Variants in FNDC3B observed in about 807,000 individuals in gnomAD.
FNDC3B encodes the protein fibronectin type III domain containing 3B.
A neutral mutation model predicts 151.5 loss-of-function variants in FNDC3B; 12 were observed. The ratio of observed to expected loss-of-function variants is 0.08; its 90% CI spans 0.05 to 0.13. The LOEUF is 0.13. Among genes scored for constraint, FNDC3B ranks in the 10% least tolerant of loss-of-function variants. The pLI is 1.00. For synonymous variants in FNDC3B, 528 were observed against 549.0 expected, an observed-to-expected ratio of 0.96 and a Z score of 0.54; for missense variants, 1,214 against 1,505.3, an observed-to-expected ratio of 0.81 and a Z score of 3.20.
intron 3 of FNDC3B, among the ~76,000 whole-genome samples, chr3:172,157,475 A>C (rs1320083476): frequency 6.6e-6 from 1 of 152,226 alleles, no homozygotes; most frequent in African/African-American, 2.4e-5. Flanking sequence ...GATTTGTAAT[A>C]ATCACTACCA....
chr3:172,070,537 C>T (rs537268887), intron 1 of FNDC3B, among the ~76,000 whole-genome samples: 3 of 152,224 alleles, frequency 2.0e-5, no homozygotes, highest in East Asian at 1.9e-4. Flanking sequence ...TAGTGGCTGA[C>T]GAGGGGAGAA....
intron 22 of FNDC3B, among the ~76,000 whole-genome samples, chr3:172,357,505 A>G (rs1325055503): frequency 6.6e-6 from 1 of 152,204 alleles, no homozygotes; most frequent in East Asian, 1.9e-4. Context: ...TCTGAGGTGA[A>G]TTCTTGGAGT....
At chr3:172,320,328 C>T (rs528887316) in intron 11 of FNDC3B, among the ~76,000 whole-genome samples, 12 of 151,864 alleles carry the variant, frequency 7.9e-5, no homozygotes, top group African/African-American at 1.2e-4. Flanking sequence ...TGAGGTGAGC[C>T]GAGATCATTC....
intron 1 of FNDC3B, among the ~76,000 whole-genome samples, chr3:172,052,836 G>A (rs1215662869): frequency 6.6e-6 from 1 of 152,198 alleles, no homozygotes; most frequent in Non-Finnish European, 1.5e-5. Flanking sequence ...GGTGAGAATA[G>A]TGCTTAGATT....
At chr3:172,181,827 CAAAAAAAA>C (rs747723219) in intron 3 of FNDC3B, among the ~76,000 whole-genome samples, 1 of 61,572 alleles carries the variant, frequency 1.6e-5, no homozygotes, top group Non-Finnish European at 3.0e-5. Context: ...GACTCCATCT[CAAAAAAAA>C]AAAAAAAAAA....
At chr3:172,048,682 G>T (rs1560381863) in intron 1 of FNDC3B, among the ~76,000 whole-genome samples, 1 of 152,010 alleles carries the variant, frequency 6.6e-6, no homozygotes, top group South Asian at 2.1e-4. Context: ...TACCTAAAAG[G>T]TAGAAACAAC....
chr3:172,307,390 G>T lies in FNDC3B; in HGVS notation c.1089G>T (p.Lys363Asn). 1.2e-6 allele frequency: 2 copies of T among 1,614,098 alleles called. No homozygotes were observed. Residue 363 changes from lysine (K) to asparagine (N), a missense_variant, in exon 10 of 26, where the codon AAG (lysine) becomes AAT (asparagine). By Grantham distance (94) the Lys-to-Asn change is moderately conservative. Transcript: ENST00000415807. Reference sequence around the variant, plus strand: ...TGTATGCCATGTACAATTCCGTAAAGGGATCCTGCTCCGAGCCTGTTAGCT... The same window carrying T: ...TGTATGCCATGTACAATTCCGTAAATGGATCCTGCTCCGAGCCTGTTAGCT... The part of the protein sequence containing the change: ...VRVYAMYNSV[K>N]GSCSEPVSFT...
At chr3:172,392,093 G>T (rs1368417074) in intron 25 of FNDC3B, among the ~76,000 whole-genome samples, 2 of 152,200 alleles carry the variant, frequency 1.3e-5, no homozygotes, top group Non-Finnish European at 2.9e-5. Flanking sequence ...AGCTGGCTGT[G>T]TATGGATTGC....
intron 3 of FNDC3B, among the ~76,000 whole-genome samples, chr3:172,224,953 A>G (rs1726475603): frequency 6.6e-6 from 1 of 152,188 alleles, no homozygotes; most frequent in South Asian, 2.1e-4. Flanking sequence ...TAGGGAAGCC[A>G]TTTATTTAAT....
At chr3:172,281,351 T>A (rs969525768) in intron 6 of FNDC3B, among the ~76,000 whole-genome samples, 1 of 152,022 alleles carries the variant, frequency 6.6e-6, no homozygotes, top group African/African-American at 2.4e-5. Flanking sequence ...GTTCAAGCGA[T>A]CTCCTGCCTA....
chr3:172,300,466 T>TTA lies in FNDC3B; in HGVS notation c.1061+1680_1061+1681insAT, dbSNP rs63299361. Among the ~76,000 whole-genome samples, 448 of 150,182 alleles carry TTA rather than the reference T, an allele frequency of 3.0e-3. 2 individuals carry two copies. Among genetic ancestry groups the TTA allele is most frequent in the African/African-American group, 0.011 (433 of 40,036 alleles). On this transcript the variant is annotated intron_variant, in intron 9 of 25. Coordinates refer to ENST00000415807, the MANE Select transcript of FNDC3B (RefSeq NM_022763.4). ...CCATCCTGTCTGTTGTTCCATTTAT[T>TTA]TTTTTTTTAAACCCTTATTACAAAG...
intron 3 of FNDC3B, among the ~76,000 whole-genome samples, chr3:172,134,998 A>AC (rs1371455607): frequency 2.0e-5 from 3 of 152,132 alleles, no homozygotes; most frequent in Non-Finnish European, 4.4e-5. Flanking sequence ...TAAAAAAAAA[A>AC]AAAAAATCAC....
At chr3:172,044,438 TAATTGCAGTTCATAGTCTTA>T (rs1716263183) in intron 1 of FNDC3B, among the ~76,000 whole-genome samples, 1 of 152,218 alleles carries the variant, frequency 6.6e-6, no homozygotes, top group Non-Finnish European at 1.5e-5. Context: ...TGTCCTGGGA[TAATTGCAGTTCATAGTCTTA>T]ACTCTAGACA....
intron 1 of FNDC3B, among the ~76,000 whole-genome samples, chr3:172,067,575 C>T (rs1476920120): frequency 6.6e-6 from 1 of 151,976 alleles, no homozygotes; most frequent in Non-Finnish European, 1.5e-5. Flanking sequence ...AGATAATTAC[C>T]GTGAGTCATA....
intron 7 of FNDC3B, among the ~76,000 whole-genome samples, chr3:172,290,921 T>C (rs1387690561): frequency 1.3e-5 from 2 of 152,164 alleles, no homozygotes; most frequent in African/African-American, 4.8e-5. Context: ...TTTAATTAGA[T>C]CAGTAGGCCT....
chr3:172,042,272 T>G (rs2108447293), intron 1 of FNDC3B, among the ~76,000 whole-genome samples: 1 of 152,380 alleles, frequency 6.6e-6, no homozygotes, highest in Non-Finnish European at 1.5e-5. Context: ...GCCAGTCTTC[T>G]GCGGTTTCTT....
chr3:172,266,455 T>A (rs554716963), intron 6 of FNDC3B, among the ~76,000 whole-genome samples: 3 of 152,228 alleles, frequency 2.0e-5, no homozygotes, highest in Non-Finnish European at 4.4e-5. Context: ...ACTATAGGCA[T>A]ACACCGCCGT....
intron 3 of FNDC3B, among the ~76,000 whole-genome samples, chr3:172,144,492 G>A (rs1425750141): frequency 6.6e-6 from 1 of 152,216 alleles, no homozygotes; most frequent in Non-Finnish European, 1.5e-5. Context: ...GGTGGGATGT[G>A]GAAGGAGAAG....
At chr3:172,200,764 C>T (rs867266508) in intron 3 of FNDC3B, among the ~76,000 whole-genome samples, 22 of 152,146 alleles carry the variant, frequency 1.4e-4, no homozygotes, top group African/African-American at 4.3e-4. Context: ...TCATTTGAGC[C>T]GTAGTTTAAA....
Sources: gnomAD v4.1 joint callset for allele counts (sites outside exome capture counted in the v4.1 genomes callset) on GRCh38, gnomAD v4.1.1 for gene constraint, MANE v1.5 for transcripts, NCBI Gene and HGNC (gene_info 2026-07-23, HGNC 2026-07-21) for gene names.